PPARG: variants seen among roughly 807,000 people sequenced by gnomAD.
The protein encoded by PPARG is peroxisome proliferator activated receptor gamma, also known as peroxisome proliferator-activated receptor gamma.
A neutral mutation model predicts 39.2 loss-of-function variants in PPARG; 17 were observed. The observed-to-expected ratio is 0.43, with a 90% CI of 0.30 to 0.65. The LOEUF (loss-of-function observed/expected upper bound fraction) is 0.65. PPARG is among the 30% of genes least tolerant of loss of function. The pLI, the probability that PPARG is intolerant of heterozygous loss-of-function variation, is 0.13. For synonymous variants in PPARG, 223 were observed against 215.7 expected (o/e 1.03, Z -0.30); for missense variants, 406 against 585.9 (o/e 0.69, Z 3.17).
chr3:12,416,933 T>G lies in PPARG; in HGVS notation c.959T>G (p.Val320Gly), dbSNP rs375109042. 12 of 1,613,912 alleles carry G rather than the reference T, an allele frequency of 7.4e-6. No homozygotes were observed. The highest frequency in any genetic ancestry group is 1.0e-5 in the Non-Finnish European group (12 of 1,179,970). Residue 320 changes from valine (V) to glycine (G), a missense_variant, in exon 7 of 8, where the codon GTC becomes GGC. This residue lies in a region of PPARG where 275 missense variants were observed against 458.0 expected (regional missense o/e 0.60). Transcript: ENST00000651735. ...NDQVTLLKYG[V>G]HEIIYTMLAS... ...CAAGTAACTCTCCTCAAATATGGAG[T>G]CCACGAGATCATTTACACAATGCTG...
chr3:12,410,513 G>A (rs750935870), intron 6 of PPARG, among the ~76,000 whole-genome samples: 5 of 152,204 alleles, frequency 3.3e-5, no homozygotes, highest in African/African-American at 7.2e-5. Context: ...AAGAGATGGC[G>A]AAGCTCCGGC....
chr3:12,296,666 T>C (rs2046794706), intron 1 of PPARG, among the ~76,000 whole-genome samples: 1 of 152,226 alleles, frequency 6.6e-6, no homozygotes. Context: ...AATAAGCTTT[T>C]GTCAAGAGGC....
At chr3:12,297,590 G>T (rs1434693967) in intron 1 of PPARG, among the ~76,000 whole-genome samples, 2 of 151,596 alleles carry the variant, frequency 1.3e-5, no homozygotes, top group Non-Finnish European at 2.9e-5. Context: ...TCACATATTG[G>T]ACTTCCCTGT....
Position 12,365,824 on chromosome 3 carries a change from G to T in PPARG, c.-8-13880G>T, listed in dbSNP as rs569662915. 1.4e-4 allele frequency among the ~76,000 whole-genome samples: 21 copies of T among 152,236 alleles called. No individual in the cohort carries two copies. The East Asian group carries it at 1.7e-3, about 13-fold the overall frequency. On this transcript the variant is annotated intron_variant, in intron 2 of 7. Coordinates refer to ENST00000651735, the MANE Select transcript of PPARG (RefSeq NM_138711.6). ...CTTTAACTTTCTAGTAAGGCTTGAA[G>T]TCAGGTAATGTCAGTCCTTCGACTT...
At chr3:12,336,259 C>T (rs552080999) in intron 2 of PPARG, among the ~76,000 whole-genome samples, 1 of 152,264 alleles carries the variant, frequency 6.6e-6, no homozygotes, top group East Asian at 1.9e-4. Flanking sequence ...TCACAAGATA[C>T]ATCAGATTAA....
upstream of PPARG, among the ~76,000 whole-genome samples, chr3:12,288,281 G>T (rs1559479969): frequency 6.6e-6 from 1 of 151,938 alleles, no homozygotes; most frequent in Non-Finnish European, 1.5e-5. Context: ...CGGGTGAAGG[G>T]GTCTTGGGCT....
At chr3:12,410,094 G>A (rs11128604) in intron 6 of PPARG, among the ~76,000 whole-genome samples, 1,964 of 152,250 alleles carry the variant, frequency 0.013, 51 homozygotes, top group African/African-American at 0.045. Flanking sequence ...ATATGGAATC[G>A]TCAGCTATAG....
chr3:12,423,078 T>A (rs546671727), intron 7 of PPARG, among the ~76,000 whole-genome samples: 150 of 152,256 alleles, frequency 9.9e-4, no homozygotes, highest in Non-Finnish European at 1.9e-3. Context: ...GTTCTTTAAT[T>A]TGTTCAGCCA....
intron 5 of PPARG, among the ~76,000 whole-genome samples, chr3:12,393,190 A>ATTTT (rs143287325): frequency 6.3e-5 from 7 of 111,512 alleles, no homozygotes; most frequent in Non-Finnish European, 8.9e-5. Flanking sequence ...GATTCATTTA[A>ATTTT]TTTTTTTTTT....
chr3:12,430,247 A>G (rs929439672), intron 7 of PPARG, among the ~76,000 whole-genome samples: 6 of 151,866 alleles, frequency 4.0e-5, no homozygotes, highest in Non-Finnish European at 5.9e-5. Flanking sequence ...CAGCCAGGAG[A>G]ATTGTGCTTT....
chr3:12,382,715 A>G (rs962665766), intron 4 of PPARG, among the ~76,000 whole-genome samples: 6 of 152,172 alleles, frequency 3.9e-5, no homozygotes, highest in Non-Finnish European at 7.3e-5. Flanking sequence ...CACGCCTCTA[A>G]TCCCAACACT....
In PPARG at chr3:12,390,637, CTTT is replaced by C. The variant is rs35190152; in HGVS notation, c.391-1958_391-1956del. 2.3e-4 allele frequency among the ~76,000 whole-genome samples: 21 copies of C among 92,380 alleles called. No homozygotes were observed. The South Asian group carries it at 5.5e-3, about 24-fold the overall frequency. The allele number at this position is 92,380 out of a possible 152,430, so 60.6% of individuals were successfully genotyped here. A position where few individuals can be genotyped will look rare whatever the true frequency, so the allele number is the denominator to read the frequency against. Reference sequence around the variant, plus strand: ...TATGTGATAAAGCTGTATTTTCTTCCTTTTTTTTTTTTTTTTTTTTTGAGACAA... The same window carrying C: ...TATGTGATAAAGCTGTATTTTCTTCCTTTTTTTTTTTTTTTTTTGAGACAA... On this transcript the variant is annotated intron_variant, in intron 4 of 7. Transcript: ENST00000651735.
intron 6 of PPARG, chr3:12,406,865 G>A (rs1029869963): frequency 6.6e-6 from 1 of 152,118 alleles, no homozygotes; most frequent in African/African-American, 2.4e-5. Context: ...GCAACTAGAA[G>A]CTCTATCCTT....
intron 2 of PPARG, among the ~76,000 whole-genome samples, chr3:12,347,075 C>T (rs775233104): frequency 4.6e-5 from 7 of 151,914 alleles, no homozygotes; most frequent in Non-Finnish European, 7.4e-5. Context: ...AAATGATACA[C>T]GAGAGACTGA....
intron 5 of PPARG, among the ~76,000 whole-genome samples, chr3:12,397,437 G>T (rs1415982062): frequency 6.9e-6 from 1 of 145,522 alleles, no homozygotes; most frequent in East Asian, 2.0e-4. Context: ...TTGAGACAAA[G>T]TCTCGCTCTG....
At chr3:12,298,126 C>T (rs1449564168) in intron 1 of PPARG, among the ~76,000 whole-genome samples, 3 of 149,932 alleles carry the variant, frequency 2.0e-5, no homozygotes, top group Non-Finnish European at 4.4e-5. Flanking sequence ...GGTGAAACCC[C>T]GTCTCTACTA....
intron 2 of PPARG, among the ~76,000 whole-genome samples, chr3:12,373,225 C>T (rs1381648203): frequency 6.6e-6 from 1 of 152,076 alleles, no homozygotes; most frequent in East Asian, 1.9e-4. Context: ...ACCACTGTGC[C>T]TCCCAGTAAC....
chr3:12,298,886 A>T (rs2046859651), intron 1 of PPARG, among the ~76,000 whole-genome samples: 1 of 152,102 alleles, frequency 6.6e-6, no homozygotes, highest in African/African-American at 2.4e-5. Context: ...CCCAGGCTGG[A>T]GTGCAGTGGT....
At chr3:12,419,566 T>A (rs1246255748) in intron 7 of PPARG, among the ~76,000 whole-genome samples, 1 of 152,064 alleles carries the variant, frequency 6.6e-6, no homozygotes, top group Non-Finnish European at 1.5e-5. Flanking sequence ...CCTCCCGGGT[T>A]CAAGTGACTC....
Sources: gnomAD v4.1 joint callset for allele counts (sites outside exome capture counted in the v4.1 genomes callset) on GRCh38, gnomAD v4.1.1 for gene constraint, gnomAD v4.1.1 regional missense constraint, MANE v1.5 for transcripts, NCBI Gene and HGNC (gene_info 2026-07-23, HGNC 2026-07-21) for gene names.